The following IBA57 variants were observed in gnomAD, a reference collection of about 807,000 sequenced individuals.
The protein encoded by IBA57 is iron-sulfur cluster assembly factor IBA57, mitochondrial.
In IBA57, 20 loss-of-function variants were observed where a neutral mutation model predicts 20.4. That is an observed-to-expected ratio of 0.98 (90% CI 0.69 to 1.42). The LOEUF is 1.42. Among genes scored for constraint, IBA57 ranks in the 40% most tolerant of loss-of-function variants. The pLI, the probability that IBA57 is intolerant of heterozygous loss-of-function variation, is 0.00. For synonymous variants in IBA57, 310 were observed against 233.9 expected, an observed-to-expected ratio of 1.33 and a Z score of -2.97; for missense variants, 608 against 499.3, an observed-to-expected ratio of 1.22 and a Z score of -2.07.
Position 228,181,570 on chromosome 1 carries a change from A to C in IBA57, c.*6057A>C, listed in dbSNP as rs899011414. 16 of 152,284 alleles carry C rather than the reference A, an allele frequency of 1.1e-4. No homozygotes were observed. The highest frequency in any genetic ancestry group is 3.9e-4 in the African/African-American group (16 of 41,472). 9.4% of individuals were successfully genotyped at this position (152,284 alleles called of 1,614,324 possible). A position where few individuals can be genotyped will look rare whatever the true frequency, so the allele number is the denominator to read the frequency against. ...CCTGTTCTTATTCAGGGGTCTCTGC[A>C]TCTCCACACTTGCACAGGTTGTGTG... On this transcript the variant is annotated 3_prime_UTR_variant, in exon 3 of 3. Transcript: ENST00000366711.
At chr1:228,169,102 T>G (rs553847755) in intron 1 of IBA57, among the ~76,000 whole-genome samples, 1 of 152,134 alleles carries the variant, frequency 6.6e-6, no homozygotes, top group Admixed American at 6.5e-5. Flanking sequence ...CTCTTTTCCT[T>G]GTCGGGCTGC....
chr1:228,174,989 C>G lies in IBA57; in HGVS notation c.639C>G (p.Leu213=), dbSNP rs751616087. 1 of 1,548,892 alleles carries G rather than the reference C, an allele frequency of 6.5e-7. No homozygotes were observed. The highest frequency in any genetic ancestry group is 8.7e-7 in the Non-Finnish European group (1 of 1,144,842). The part of the protein sequence containing the change: ...EGPALVPGGR[L]GDLWDYHQHR... ...CAGCCCTGGTGCCCGGGGGCCGGCT[C>G]GGGGACTTGTGGGATTATCACCAGC... Residue 213 remains leucine (L), a synonymous_variant, in exon 2 of 3, where the codon CTC becomes CTG. Coordinates refer to ENST00000366711, the MANE Select transcript of IBA57 (RefSeq NM_001010867.4).
At chr1:228,169,260 T>C (rs1222446709) in intron 1 of IBA57, among the ~76,000 whole-genome samples, 1 of 152,166 alleles carries the variant, frequency 6.6e-6, no homozygotes, top group Non-Finnish European at 1.5e-5. Flanking sequence ...CATTCCTTTA[T>C]GGTTTTTTCC....
rs1271228300 is a variant in IBA57 at position 228,166,059 on chromosome 1, G to C, written c.243G>C (p.Pro81=). The change falls in exon 1 of 3, where the codon CCG becomes CCC. Residue 81 remains proline (P), a synonymous_variant. Coordinates refer to ENST00000366711, the MANE Select transcript of IBA57 (RefSeq NM_001010867.4). The part of the protein sequence containing the change: ...LGLLTNELPL[P]SPAAAGAPPA... ...TGCTGACCAATGAACTGCCGCTTCC[G>C]AGTCCTGCGGCCGCGGGGGCCCCGC... 2.0e-6 allele frequency: 3 copies of C among 1,537,640 alleles called. No individual in the cohort carries two copies. The highest frequency in any genetic ancestry group is 2.6e-6 in the Non-Finnish European group (3 of 1,146,084).
At chr1:228,174,633 G>T (rs1300476019) in intron 1 of IBA57, 59 bp from the exon 2 acceptor site, 3 of 1,432,196 alleles carry the variant, frequency 2.1e-6, no homozygotes, top group African/African-American at 1.4e-5. Context: ...CCCTCATGCA[G>T]CCCTTTCTGG....
chr1:228,179,802 T>G lies in IBA57; in HGVS notation c.*4289T>G, dbSNP rs1389819575. ...AGCCAGAAAGATAGTAAATAATATC[T>G]TCAAAGTCCTGGGAGAAAATAGTGA... On this transcript the variant is annotated 3_prime_UTR_variant, in exon 3 of 3. Transcript: ENST00000366711. 1 of 152,156 alleles carries G rather than the reference T, an allele frequency of 6.6e-6. No homozygotes were observed. The highest frequency in any genetic ancestry group is 1.9e-4 in the East Asian group (1 of 5,200). The allele number at this position is 152,156 out of a possible 1,614,324, so 9.4% of individuals were successfully genotyped here.
Position 228,181,813 on chromosome 1 carries a change from T to G in IBA57, c.*6300T>G, listed in dbSNP as rs2035115902. 2 of 152,292 alleles carry G rather than the reference T, an allele frequency of 1.3e-5. No individual in the cohort carries two copies. 9.4% of individuals were successfully genotyped at this position (152,292 alleles called of 1,614,324 possible). On this transcript the variant is annotated 3_prime_UTR_variant, in exon 3 of 3. Transcript: ENST00000366711. ...AGTTTCCATTTAGAGATTCAGTGTT[T>G]AAATTTTGAACGTCTTGGGTGAACA...
At position 228,175,275 on chromosome 1, in the gene IBA57, G is replaced by T. The variant is rs751210041; in HGVS notation, c.833G>T (p.Arg278Leu). 2.1e-5 allele frequency: 34 copies of T among 1,612,714 alleles called. No individual in the cohort carries two copies. The highest frequency in any genetic ancestry group is 2.9e-5 in the Non-Finnish European group (34 of 1,179,976). Residue 278 changes from arginine to leucine, a missense_variant, in exon 3 of 3, where the codon CGC (arginine) becomes CTC (leucine). Transcript: ENST00000366711. ...CACCACATGGGCGTCATCCGCAAGC[G>T]CCTCTTCCCTGTCCGGTTCTTGGAC... ...RTHHMGVIRK[R>L]LFPVRFLDPL... is the part of the protein sequence containing the mutation.
chr1:228,166,063 C>A lies in IBA57; in HGVS notation c.247C>A (p.Pro83Thr). ...GACCAATGAACTGCCGCTTCCGAGT[C>A]CTGCGGCCGCGGGGGCCCCGCCTGC... ...LLTNELPLPS[P>T]AAAGAPPAAR... Residue 83 changes from proline (P) to threonine (T), a missense_variant, in exon 1 of 3, where the codon CCT (proline) becomes ACT (threonine). Physicochemically the swap from Pro to Thr is conservative, Grantham distance 38. Transcript: ENST00000366711. 2.0e-6 allele frequency: 3 copies of A among 1,537,738 alleles called. No homozygotes were observed. Among genetic ancestry groups the A allele is most frequent in the East Asian group, 2.5e-5 (1 of 40,252 alleles).
At chr1:228,174,658 G>A (rs2034977770) in intron 1 of IBA57, 34 bp from the exon 2 acceptor site, 3 of 1,484,150 alleles carry the variant, frequency 2.0e-6, no homozygotes, top group Non-Finnish European at 2.7e-6. Flanking sequence ...CTCAGTTGGT[G>A]AGCTGCCATG....
intron 1 of IBA57, among the ~76,000 whole-genome samples, chr1:228,173,731 C>T (rs1056382227): frequency 2.0e-5 from 3 of 152,198 alleles, no homozygotes; most frequent in Non-Finnish European, 4.4e-5. Flanking sequence ...TGGCTGTGCA[C>T]ACCGTTCCCC....
rs983580690 is a variant in IBA57, at chr1:228,180,428, G to A, written c.*4915G>A. 6.6e-6 allele frequency: 1 copy of A among 152,176 alleles called. No individual in the cohort carries two copies. 9.4% of individuals were successfully genotyped at this position (152,176 alleles called of 1,614,324 possible). The stretch of plus-strand genomic sequence containing the variant: ...TTATAAAAAAGATGCCACATGTTGA[G>A]TTGGGAGAGAGGTGCCCAAACCTAC... On this transcript the variant is annotated 3_prime_UTR_variant, in exon 3 of 3. Transcript: ENST00000366711.
chr1:228,170,043 C>CT lies in IBA57; in HGVS notation c.341+3893dup, dbSNP rs1435262526. Among the ~76,000 whole-genome samples, 4 of 151,956 alleles carry CT rather than the reference C, an allele frequency of 2.6e-5. No homozygotes were observed. Among genetic ancestry groups the CT allele is most frequent in the Non-Finnish European group, 4.4e-5 (3 of 67,988 alleles). On this transcript the variant is annotated intron_variant, in intron 1 of 2. Coordinates refer to ENST00000366711, the MANE Select transcript of IBA57 (RefSeq NM_001010867.4). This position sits in a 1 kb window ranked among gnomAD's most constrained non-coding sequence, Gnocchi z 4.8. ...CACCACGCCCAGCTAATTTTTGTAT[C>CT]TTTTTTTAGTAGAGACGGGGTTTCA... is the stretch of plus-strand genomic sequence containing the variant.
rs766052378 is a variant in IBA57, at chr1:228,170,364, G to T, written c.341+4207G>T. 6.6e-6 allele frequency among the ~76,000 whole-genome samples: 1 copy of T among 152,052 alleles called. No homozygotes were observed. Among genetic ancestry groups the T allele is most frequent in the Non-Finnish European group, 1.5e-5 (1 of 68,014 alleles). ...TTTTATTTTTTAGACACAGGGTCTC[G>T]CTCCATTGCCCAGGCTGGAGTGCAG... On this transcript the variant is annotated intron_variant, in intron 1 of 2. Coordinates refer to ENST00000366711, the MANE Select transcript of IBA57 (RefSeq NM_001010867.4). This position sits in a 1 kb window ranked among gnomAD's most constrained non-coding sequence, Gnocchi z 4.8.
intron 1 of IBA57, chr1:228,172,959 T>G (rs2124975231): frequency 6.6e-6 from 1 of 152,402 alleles, no homozygotes; most frequent in South Asian, 2.1e-4. Context: ...CCCTCCCTTG[T>G]GGGTGTTGTT....
In IBA57 at chr1:228,175,547, G is replaced by A. The variant is rs756360408; in HGVS notation, c.*34G>A. On this transcript the variant is annotated 3_prime_UTR_variant, in exon 3 of 3. Coordinates refer to ENST00000366711, the MANE Select transcript of IBA57 (RefSeq NM_001010867.4). ...CTTGGCTGGCGCAGGCTGATGGGGA[G>A]GCTGGGGCCTGGGGCCTTTGGCCTC... 1 of 1,526,374 alleles carries A rather than the reference G, an allele frequency of 6.6e-7. No homozygotes were observed. 94.6% of individuals were successfully genotyped at this position (1,526,374 alleles called of 1,614,324 possible).
chr1:228,169,720 C>T (rs2034898575), intron 1 of IBA57, among the ~76,000 whole-genome samples: 1 of 152,204 alleles, frequency 6.6e-6, no homozygotes, highest in Non-Finnish European at 1.5e-5. Context: ...AACTCCTGGC[C>T]ACCACTGATG....
rs2034849825 is a variant in IBA57 at position 228,166,159 on chromosome 1, TGAGCGC to T, written c.341+4_341+9del. 1.4e-6 allele frequency: 2 copies of T among 1,479,818 alleles called. No homozygotes were observed. Among genetic ancestry groups the T allele is most frequent in the Non-Finnish European group, 1.8e-6 (2 of 1,111,766 alleles). 91.7% of individuals were successfully genotyped at this position (1,479,818 alleles called of 1,614,324 possible). A position where few individuals can be genotyped will look rare whatever the true frequency, so the allele number is the denominator to read the frequency against. The stretch of plus-strand genomic sequence containing the variant: ...GCTCTATGACGTCATCTTGTACGGG[TGAGCGC>T]GTGCTGGGAGGGCGCTCGGGGGCGG... On this transcript the variant is annotated splice_donor_5th_base_variant and intron_variant, in intron 1 of 2. Transcript: ENST00000366711.
Position 228,175,315 on chromosome 1 carries a change from TG to T in IBA57, c.875del (p.Gly292AlafsTer9), listed in dbSNP as rs747959551. 5.0e-6 allele frequency: 8 copies of T among 1,612,550 alleles called. No homozygotes were observed. Among genetic ancestry groups the T allele is most frequent in the Non-Finnish European group, 6.8e-6 (8 of 1,179,904 alleles). On this transcript the variant is annotated frameshift_variant, in exon 3 of 3. Transcript: ENST00000366711. LOFTEE classifies it low-confidence loss of function (END_TRUNC). Reference protein sequence around the residue: ...VRFLDPLPTSGITPGATVLTA... With the variant: ...VRFLDPLPTSXITPGATVLTA... The stretch of plus-strand genomic sequence containing the variant: ...GGTTCTTGGACCCCCTTCCCACCAG[TG>T]GCATCACCCCTGGTGCCACGGTGCT...
Sources: gnomAD v4.1 joint callset for allele counts (sites outside exome capture counted in the v4.1 genomes callset) on GRCh38, gnomAD v4.1.1 for gene constraint, Gnocchi (gnomAD v3.1) non-coding constraint, MANE v1.5 for transcripts, NCBI Gene and HGNC (gene_info 2026-07-23, HGNC 2026-07-21) for gene names.